Variants in NRG1 observed in about 807,000 individuals in gnomAD.
NRG1 encodes neuregulin 1, also known as pro-neuregulin-1, membrane-bound isoform.
NRG1 carries 18 observed loss-of-function variants against 63.8 expected under a neutral mutation model. The observed-to-expected ratio is 0.28, with a 90% CI of 0.19 to 0.42. The LOEUF (loss-of-function observed/expected upper bound fraction) is 0.42. NRG1 is among the 10% of genes least tolerant of loss of function. The pLI is 1.00. For missense variants in NRG1, 762 were observed against 814.7 expected (o/e 0.94, Z 0.79); for synonymous variants, 302 against 301.3 (o/e 1.00, Z -0.02).
intron 1 of NRG1, chr8:32,062,954 A>G (rs1824133142): frequency 6.6e-6 from 1 of 152,102 alleles, no homozygotes; most frequent in Admixed American, 6.6e-5. Flanking sequence ...CTTATTTAAT[A>G]TCTGGAGAAA....
intron 1 of NRG1, among the ~76,000 whole-genome samples, chr8:32,370,623 C>T (rs1808689609): frequency 6.6e-6 from 1 of 151,912 alleles, no homozygotes; most frequent in South Asian, 2.1e-4. Flanking sequence ...TTTGGGAGAC[C>T]GAAGCAGGTG....
At chr8:32,482,424 G>A (rs1385615139) in intron 1 of NRG1, among the ~76,000 whole-genome samples, 2 of 149,910 alleles carry the variant, frequency 1.3e-5, no homozygotes, top group Non-Finnish European at 3.0e-5. Context: ...GTGTGTGTGT[G>A]TTCTCTGGTA....
At chr8:31,715,072 G>C (rs1812217337) in intron 1 of NRG1, among the ~76,000 whole-genome samples, 1 of 151,992 alleles carries the variant, frequency 6.6e-6, no homozygotes, top group African/African-American at 2.4e-5. Context: ...ATGAAACCCA[G>C]AGTTATTGCT....
rs55953491 is a variant in NRG1 at position 31,947,944 on chromosome 8, C to CAAAA, written c.37+308538_37+308541dup. Among the ~76,000 whole-genome samples the CAAAA allele has an allele frequency of 2.6e-3, 86 of 32,944 alleles. 15 individuals are homozygous for CAAAA. Among genetic ancestry groups the CAAAA allele is most frequent in the Middle Eastern group, 0.038 (1 of 26 alleles). 21.6% of individuals were successfully genotyped at this position (32,944 alleles called of 152,430 possible). A position where few individuals can be genotyped will look rare whatever the true frequency, so the allele number is the denominator to read the frequency against. ...TGGGCTACAGAGTGAGACTCCATCT[C>CAAAA]AAAAAAAAAAAAAAAAAAAAAAAAA... is the stretch of plus-strand genomic sequence containing the variant. On this transcript the variant is annotated intron_variant, in intron 1 of 10. Coordinates refer to the NRG1 transcript ENST00000519301.
chr8:32,346,542 C>A (rs1363919954), intron 1 of NRG1, among the ~76,000 whole-genome samples: 2 of 115,152 alleles, frequency 1.7e-5, no homozygotes, highest in East Asian at 4.3e-4. Flanking sequence ...ACATTAGAGG[C>A]ATCTTTTGGG....
At chr8:31,836,757 C>T (rs1197561012) in intron 1 of NRG1, among the ~76,000 whole-genome samples, 1 of 152,046 alleles carries the variant, frequency 6.6e-6, no homozygotes, top group African/African-American at 2.4e-5. Flanking sequence ...ACTTTGGACA[C>T]ATAACTTTCA....
intron 1 of NRG1, among the ~76,000 whole-genome samples, chr8:32,402,613 G>A (rs1377753154): frequency 6.6e-6 from 1 of 152,138 alleles, no homozygotes; most frequent in Non-Finnish European, 1.5e-5. Flanking sequence ...GACCATGGCA[G>A]TATGGGGGTG....
In NRG1 at chr8:32,582,213, T is replaced by G. The variant is rs116847609; in HGVS notation, c.101-13615T>G. ...CCTGGGCTCAAGTGCTCTGCCCATC[T>G]CAGCCTCCGGAGTAGCTGGGACCAT... On this transcript the variant is annotated intron_variant, in intron 1 of 11. Transcript: ENST00000356819. Among the ~76,000 whole-genome samples, 289 of 151,858 alleles carry G rather than the reference T, an allele frequency of 1.9e-3. 2 individuals carry two copies. The Middle Eastern group carries it at 0.024, about 13-fold the overall frequency.
At chr8:32,522,847 C>T (rs1005679401) in intron 1 of NRG1, among the ~76,000 whole-genome samples, 66 of 151,172 alleles carry the variant, frequency 4.4e-4, no homozygotes, top group African/African-American at 1.4e-3. Flanking sequence ...GCTTTGTCAC[C>T]TAGGCTGGAC....
rs560732268 is a variant in NRG1, at chr8:31,851,697, C to T, written c.37+212266C>T. On this transcript the variant is annotated intron_variant, in intron 1 of 10. Transcript: ENST00000519301. ...TATGTATACATGTGCCATGCTGGTG[C>T]GCTGCACCCACTAACTCGTCATCTA... is the stretch of plus-strand genomic sequence containing the variant. Among the ~76,000 whole-genome samples the T allele has an allele frequency of 7.9e-5, 12 of 151,072 alleles. No homozygotes were observed. In the South Asian group the frequency reaches 1.3e-3, roughly 16 times the overall value.
intron 1 of NRG1, among the ~76,000 whole-genome samples, chr8:31,888,316 C>G (rs1194167652): frequency 1.3e-5 from 2 of 151,992 alleles, no homozygotes; most frequent in African/African-American, 2.4e-5. Flanking sequence ...GAATTTCACC[C>G]TATATCAGTA....
intron 1 of NRG1, among the ~76,000 whole-genome samples, chr8:32,542,662 C>T (rs971822780): frequency 1.3e-5 from 2 of 152,146 alleles, no homozygotes; most frequent in Non-Finnish European, 2.9e-5. Flanking sequence ...TGCAAGGAGG[C>T]CTTTGTGCAG....
At chr8:32,123,633 A>G (rs1481383431) in intron 1 of NRG1, among the ~76,000 whole-genome samples, 1 of 148,682 alleles carries the variant, frequency 6.7e-6, no homozygotes, top group Non-Finnish European at 1.5e-5. Flanking sequence ...TTGTGCATTT[A>G]TATATCATAA....
intron 1 of NRG1, among the ~76,000 whole-genome samples, chr8:32,487,989 T>C (rs934667899): frequency 6.6e-6 from 1 of 152,178 alleles, no homozygotes; most frequent in African/African-American, 2.4e-5. Context: ...TGGGCTCCAT[T>C]AGAAGGGGTC....
chr8:32,255,107 C>T (rs1849544492), intron 1 of NRG1, among the ~76,000 whole-genome samples: 1 of 152,172 alleles, frequency 6.6e-6, no homozygotes, highest in Non-Finnish European at 1.5e-5. Flanking sequence ...AGACGTGTCT[C>T]CTGAATACAG....
chr8:31,660,260 G>A (rs1805851332), intron 1 of NRG1, among the ~76,000 whole-genome samples: 1 of 151,074 alleles, frequency 6.6e-6, no homozygotes, highest in Non-Finnish European at 1.5e-5. Flanking sequence ...GGAGAAGTTT[G>A]AGGAATTTAT....
chr8:32,280,755 C>CTTT (rs1563265275), intron 1 of NRG1, among the ~76,000 whole-genome samples: 2 of 18,402 alleles, frequency 1.1e-4, no homozygotes, highest in African/African-American at 1.7e-4. Context: ...TTTGTCCTTT[C>CTTT]ATTTTTTTTT....
At chr8:31,939,688 A>C (rs1448436898) in intron 1 of NRG1, among the ~76,000 whole-genome samples, 1 of 152,172 alleles carries the variant, frequency 6.6e-6, no homozygotes, top group East Asian at 1.9e-4. Flanking sequence ...CATCTAACAC[A>C]TAAGGACTCA....
chr8:32,652,498 C>T (rs997300156), intron 5 of NRG1, among the ~76,000 whole-genome samples: 1 of 151,994 alleles, frequency 6.6e-6, no homozygotes, highest in African/African-American at 2.4e-5. Context: ...CCTTTCCTTC[C>T]TACCTTCCCA....
Sources: gnomAD v4.1 joint callset for allele counts (sites outside exome capture counted in the v4.1 genomes callset) on GRCh38, gnomAD v4.1.1 for gene constraint, MANE v1.5 for transcripts, NCBI Gene and HGNC (gene_info 2026-07-23, HGNC 2026-07-21) for gene names.